AGMO: variants seen among roughly 807,000 people sequenced by gnomAD.
AGMO encodes the protein glyceryl-ether monooxygenase.
Under a neutral mutation model 60.2 loss-of-function variants are expected in AGMO, and 75 were observed. The observed-to-expected ratio is 1.25, with a 90% CI of 1.03 to 1.51. The LOEUF is 1.51. Among genes scored for constraint, AGMO ranks in the 40% most tolerant of loss-of-function variants. The pLI, the probability that AGMO is intolerant of heterozygous loss-of-function variation, is 0.00. For synonymous variants in AGMO, 261 were observed against 177.1 expected (o/e 1.47, Z -3.76); for missense variants, 763 against 525.5 (o/e 1.45, Z -4.42).
At chr7:15,531,685 C>G (rs1006367264) in intron 3 of AGMO, among the ~76,000 whole-genome samples, 2 of 142,764 alleles carry the variant, frequency 1.4e-5, no homozygotes, top group East Asian at 2.0e-4. Flanking sequence ...GAGTCTCACT[C>G]TATTGCCCAG....
the AGMO span, among the ~76,000 whole-genome samples, chr7:15,120,442 T>C: frequency 1.3e-5 from 2 of 152,124 alleles, no homozygotes; most frequent in African/African-American, 4.8e-5. Context: ...CTAACCCCAA[T>C]GTAAGGGTAT....
the AGMO span, among the ~76,000 whole-genome samples, chr7:15,143,181 T>G: frequency 7.9e-5 from 12 of 152,370 alleles, no homozygotes; most frequent in South Asian, 4.1e-4. Context: ...CTCCAAGGAT[T>G]TGGAGTGCTT....
intron 3 of AGMO, among the ~76,000 whole-genome samples, chr7:15,544,283 G>A (rs1294302394): frequency 1.3e-5 from 2 of 152,018 alleles, no homozygotes; most frequent in Non-Finnish European, 1.5e-5. Context: ...ATGCTCGGGT[G>A]ATAGGTGCAC....
At chr7:15,441,821 T>C (rs1262182765) in intron 3 of AGMO, among the ~76,000 whole-genome samples, 2 of 151,938 alleles carry the variant, frequency 1.3e-5, no homozygotes, top group Non-Finnish European at 2.9e-5. Flanking sequence ...GACAGGAAAA[T>C]AGAGAAAAAA....
chr7:15,246,700 CTTCT>C (rs1016808957), intron 12 of AGMO, among the ~76,000 whole-genome samples: 3 of 152,116 alleles, frequency 2.0e-5, no homozygotes, highest in South Asian at 2.1e-4. Context: ...TGTCAAATGC[CTTCT>C]TTCTTTCTTG....
At chr7:15,374,462 G>T (rs560973168) in intron 10 of AGMO, among the ~76,000 whole-genome samples, 4 of 152,120 alleles carry the variant, frequency 2.6e-5, no homozygotes, top group African/African-American at 7.2e-5. Flanking sequence ...AAAAGCCAAA[G>T]ATTACATTGT....
At chr7:15,519,408 T>G (rs1410708443) in intron 3 of AGMO, among the ~76,000 whole-genome samples, 3 of 151,890 alleles carry the variant, frequency 2.0e-5, no homozygotes, top group African/African-American at 7.3e-5. Context: ...AGCCAGAGAA[T>G]AAGGTCGGGT....
intron 10 of AGMO, among the ~76,000 whole-genome samples, chr7:15,373,220 G>C (rs1274385591): frequency 6.6e-6 from 1 of 151,780 alleles, no homozygotes; most frequent in Non-Finnish European, 1.5e-5. Flanking sequence ...GGTGGTTTCA[G>C]TGAGCTGAGA....
chr7:15,497,875 T>A (rs1281095465), intron 3 of AGMO, among the ~76,000 whole-genome samples: 1 of 152,038 alleles, frequency 6.6e-6, no homozygotes, highest in Admixed American at 6.6e-5. Flanking sequence ...CTTACTGGGT[T>A]ATTTTGAAAA....
At position 15,201,346 on chromosome 7, in the gene AGMO, A is replaced by G. The variant is rs1781274770; in HGVS notation, c.1277T>C (p.Ile426Thr). ...TCTAACTCCCCAGAAAGCAATGCAAATGGAAAAAACAATCTGAAGAAATAA... is the reference window on the plus strand; with the variant it reads ...TCTAACTCCCCAGAAAGCAATGCAAGTGGAAAAAACAATCTGAAGAAATAA... ...LSSAFEIVFS[I>T]CIAFWGVRSM... is the part of the protein sequence containing the mutation. Residue 426 changes from isoleucine (I) to threonine (T), a missense_variant, in exon 13 of 13, where the codon ATT becomes ACT. Physicochemically the swap from Ile to Thr is moderately conservative, Grantham distance 89 (BLOSUM62 -1). Transcript: ENST00000342526. 1.2e-6 allele frequency: 2 copies of G among 1,612,286 alleles called. No homozygotes were observed. Among genetic ancestry groups the G allele is most frequent in the African/African-American group, 1.3e-5 (1 of 74,886 alleles).
chr7:15,532,834 T>C (rs1784402900), intron 3 of AGMO, among the ~76,000 whole-genome samples: 1 of 151,876 alleles, frequency 6.6e-6, no homozygotes, highest in South Asian at 2.1e-4. Context: ...CTACAAAAAA[T>C]TTAAAAATTA....
At chr7:15,502,185 G>C (rs1228135680) in intron 3 of AGMO, among the ~76,000 whole-genome samples, 1 of 151,966 alleles carries the variant, frequency 6.6e-6, no homozygotes, top group Non-Finnish European at 1.5e-5. Context: ...TATGACCCAA[G>C]TTTATTTTTT....
At chr7:15,267,449 A>G (rs1783465901) in intron 12 of AGMO, among the ~76,000 whole-genome samples, 1 of 152,030 alleles carries the variant, frequency 6.6e-6, no homozygotes, top group African/African-American at 2.4e-5. Flanking sequence ...CATCAGAATG[A>G]TTACATTGAC....
intron 10 of AGMO, among the ~76,000 whole-genome samples, chr7:15,371,182 AATTAATCAATAATTTAATAT>A (rs1783197051): frequency 6.6e-6 from 1 of 152,106 alleles, no homozygotes; most frequent in South Asian, 2.1e-4. Flanking sequence ...ACATTAATAC[AATTAATCAATAATTTAATAT>A]TAAATATTTA....
At chr7:15,264,539 C>T (rs1262203589) in intron 12 of AGMO, among the ~76,000 whole-genome samples, 1 of 151,770 alleles carries the variant, frequency 6.6e-6, no homozygotes, top group Non-Finnish European at 1.5e-5. Flanking sequence ...TTTAATCTGA[C>T]AAAGGTCTAA....
At chr7:15,467,557 C>T (rs1043078127) in intron 3 of AGMO, among the ~76,000 whole-genome samples, 1 of 152,130 alleles carries the variant, frequency 6.6e-6, no homozygotes, top group Non-Finnish European at 1.5e-5. Flanking sequence ...TAAAACTCCA[C>T]AAAGGTGCAT....
At chr7:15,327,828 C>A (rs543397042) in intron 12 of AGMO, among the ~76,000 whole-genome samples, 1 of 148,086 alleles carries the variant, frequency 6.8e-6, no homozygotes, top group South Asian at 2.1e-4. Context: ...ATAGTGTTGC[C>A]ATCACAGCTC....
At chr7:15,533,533 T>G (rs1395045443) in intron 3 of AGMO, among the ~76,000 whole-genome samples, 1 of 152,150 alleles carries the variant, frequency 6.6e-6, no homozygotes, top group African/African-American at 2.4e-5. Context: ...TTTACATTCT[T>G]TGTTTTCTCT....
At chr7:15,419,172 C>A (rs1780861027) in intron 4 of AGMO, among the ~76,000 whole-genome samples, 1 of 151,774 alleles carries the variant, frequency 6.6e-6, no homozygotes, top group African/African-American at 2.4e-5. Flanking sequence ...GACATCATAT[C>A]TCTTAATTTT....
Sources: gnomAD v4.1 joint callset for allele counts (sites outside exome capture counted in the v4.1 genomes callset) on GRCh38, gnomAD v4.1.1 for gene constraint, MANE v1.5 for transcripts, NCBI Gene and HGNC (gene_info 2026-07-23, HGNC 2026-07-21) for gene names.